Variants in PEX14 observed in about 807,000 individuals in gnomAD.
PEX14 encodes peroxisomal membrane protein PEX14.
PEX14 carries 15 observed loss-of-function variants against 49.5 expected under a neutral mutation model. The observed-to-expected ratio is 0.30, with a 90% CI of 0.20 to 0.47. The LOEUF is 0.47. Ranked by LOEUF, PEX14 falls within the 20% of genes least tolerant of loss-of-function variation. The pLI is 1.00. For synonymous variants in PEX14, 210 were observed against 212.7 expected, an observed-to-expected ratio of 0.99 and a Z score of 0.11; for missense variants, 398 against 494.8, an observed-to-expected ratio of 0.80 and a Z score of 1.86.
chr1:10,592,178 A>AT lies in PEX14; in HGVS notation c.170-7057dup, dbSNP rs1450624527. On this transcript the variant is annotated intron_variant, in intron 3 of 8. Transcript: ENST00000356607. ...CAAACACACGTTTGGCTTACTTGGC[A>AT]TTTAAGTAGCAGAGATTCCTGATTA... 5.3e-5 allele frequency among the ~76,000 whole-genome samples: 8 copies of AT among 152,266 alleles called. No homozygotes were observed. The East Asian group carries it at 1.5e-3, about 29-fold the overall frequency.
chr1:10,528,903 G>A (rs1209276218), intron 2 of PEX14, among the ~76,000 whole-genome samples: 1 of 152,190 alleles, frequency 6.6e-6, no homozygotes, highest in Non-Finnish European at 1.5e-5. Context: ...CACTGCTACC[G>A]TGATCCGTGT....
At chr1:10,498,859 C>T (rs920189851) in intron 2 of PEX14, among the ~76,000 whole-genome samples, 6 of 152,350 alleles carry the variant, frequency 3.9e-5, no homozygotes, top group Admixed American at 3.3e-4. Context: ...GCAAGGAGTT[C>T]GGACAGGCCT....
At position 10,498,588 on chromosome 1, in the gene PEX14, G is replaced by A. The variant is rs529993110; in HGVS notation, c.84+3267G>A. Reference sequence around the variant, plus strand: ...GATTCTAGCAAAGTAGTGAGGCTGCGTGTTTCCTTTTCTTGCCCGTTCAAT... The same window carrying A: ...GATTCTAGCAAAGTAGTGAGGCTGCATGTTTCCTTTTCTTGCCCGTTCAAT... On this transcript the variant is annotated intron_variant, in intron 2 of 8. Transcript: ENST00000356607. 4.6e-5 allele frequency among the ~76,000 whole-genome samples: 7 copies of A among 152,260 alleles called. No homozygotes were observed. In the South Asian group the frequency reaches 1.4e-3, roughly 32 times the overall value.
intron 4 of PEX14, among the ~76,000 whole-genome samples, chr1:10,607,893 C>A (rs1641169010): frequency 1.3e-5 from 2 of 152,122 alleles, no homozygotes; most frequent in African/African-American, 4.8e-5. Context: ...ATATATTTAT[C>A]TTTTTTTCCT....
intron 3 of PEX14, among the ~76,000 whole-genome samples, chr1:10,561,060 T>A (rs966801201): frequency 6.6e-6 from 1 of 151,918 alleles, no homozygotes; most frequent in Admixed American, 6.6e-5. Flanking sequence ...CACACACACA[T>A]ATACACACAC....
In PEX14 at chr1:10,495,374, A is replaced by G; in HGVS notation, c.84+53A>G. 1 of 1,423,574 alleles carries G rather than the reference A, an allele frequency of 7.0e-7. No homozygotes were observed. Among genetic ancestry groups the G allele is most frequent in the South Asian group, 1.2e-5 (1 of 85,672 alleles). 88.2% of individuals were successfully genotyped at this position (1,423,574 alleles called of 1,614,324 possible). A position where few individuals can be genotyped will look rare whatever the true frequency, so the allele number is the denominator to read the frequency against. On this transcript the variant is annotated intron_variant, in intron 2 of 8. Transcript: ENST00000356607. This position sits in a 1 kb window ranked among gnomAD's most constrained non-coding sequence, Gnocchi z 4.2. Reference sequence around the variant, plus strand: ...TTTCTAGTAATTAAAATGCCACGCGAGTGAAAAGAAACCTTCTGTTCCTAT... The same window carrying G: ...TTTCTAGTAATTAAAATGCCACGCGGGTGAAAAGAAACCTTCTGTTCCTAT...
intron 3 of PEX14, among the ~76,000 whole-genome samples, chr1:10,578,056 T>G (rs1640203717): frequency 6.6e-6 from 1 of 151,978 alleles, no homozygotes; most frequent in East Asian, 2.0e-4. Context: ...CATATTGGTT[T>G]GAGGAATCAG....
intron 3 of PEX14, among the ~76,000 whole-genome samples, chr1:10,585,853 G>A (rs936156309): frequency 6.6e-6 from 1 of 152,208 alleles, no homozygotes; most frequent in Non-Finnish European, 1.5e-5. Flanking sequence ...TGGAGATCAC[G>A]CCACTGCACT....
At chr1:10,482,429 C>T (rs1299590981) in intron 1 of PEX14, among the ~76,000 whole-genome samples, 2 of 151,456 alleles carry the variant, frequency 1.3e-5, no homozygotes, top group African/African-American at 2.4e-5. Context: ...TGCGGGTGGC[C>T]CATCTTACTT....
intron 3 of PEX14, among the ~76,000 whole-genome samples, chr1:10,542,888 G>C (rs142019159): frequency 6.6e-6 from 1 of 152,308 alleles, no homozygotes; most frequent in Non-Finnish European, 1.5e-5. Context: ...TTGAACGCGT[G>C]TTGGTTTGGC....
chr1:10,626,734 C>T (rs1379189854), intron 7 of PEX14, among the ~76,000 whole-genome samples: 2 of 152,258 alleles, frequency 1.3e-5, no homozygotes, highest in African/African-American at 2.4e-5. Context: ...GTGCACATGC[C>T]ACAAGCAGGT....
intron 2 of PEX14, among the ~76,000 whole-genome samples, chr1:10,520,153 T>TTTTTTTTTTTTTTTTTTTG (rs754714815): frequency 1.6e-4 from 15 of 91,884 alleles, no homozygotes; most frequent in South Asian, 3.5e-4. Context: ...TTCTTCTTTT[T>TTTTTTTTTTTTTTTTTTTG]TTTTTTTTTG....
In PEX14 at chr1:10,629,713, C is replaced by T. The variant is rs376758920; in HGVS notation, c.860C>T (p.Thr287Met). ...GKEGHSPEGS[T>M]VTYHLLGPQE... ...GAGGGCCACAGCCCCGAGGGCTCCA[C>T]GGTCACCTACCACTTGCTGGGCCCC... The change falls in exon 9 of 9, where the codon ACG becomes ATG. Residue 287 changes from threonine to methionine, a missense_variant. By Grantham distance (81) the Thr-to-Met change is moderately conservative. Coordinates refer to ENST00000356607, the MANE Select transcript of PEX14 (RefSeq NM_004565.3). The surrounding 1 kb of genome is among the most constrained non-coding windows in gnomAD (Gnocchi z 8.5). The T allele has an allele frequency of 1.8e-4, 286 of 1,607,526 alleles. No homozygotes were observed. Among genetic ancestry groups the T allele is most frequent in the Non-Finnish European group, 2.2e-4 (264 of 1,177,078 alleles).
intron 3 of PEX14, among the ~76,000 whole-genome samples, chr1:10,544,509 T>A (rs984753396): frequency 1.3e-5 from 2 of 152,184 alleles, no homozygotes; most frequent in Non-Finnish European, 2.9e-5. Flanking sequence ...TTGCTTTTTT[T>A]GTGTTAAGCA....
intron 3 of PEX14, among the ~76,000 whole-genome samples, chr1:10,544,177 T>G (rs1289751148): frequency 2.0e-5 from 3 of 152,186 alleles, no homozygotes; most frequent in Non-Finnish European, 2.9e-5. Context: ...TATTAGTTGA[T>G]TTTTTCGCTG....
chr1:10,570,950 G>A (rs2124549492), intron 3 of PEX14, among the ~76,000 whole-genome samples: 1 of 148,906 alleles, frequency 6.7e-6, no homozygotes, highest in South Asian at 2.1e-4. Flanking sequence ...CCAGGCTCAG[G>A]TAATCCTCTC....
At chr1:10,622,854 C>T (rs1285565337) in intron 5 of PEX14, among the ~76,000 whole-genome samples, 165 bp from the exon 6 acceptor site, 2 of 152,194 alleles carry the variant, frequency 1.3e-5, no homozygotes, top group East Asian at 1.9e-4. Flanking sequence ...TGGTTGTAAT[C>T]GCAGTCTCAT....
chr1:10,541,752 A>G (rs1322511410), intron 3 of PEX14, among the ~76,000 whole-genome samples: 2 of 152,060 alleles, frequency 1.3e-5, no homozygotes, highest in East Asian at 1.9e-4. Flanking sequence ...CTTGAACTCC[A>G]CAGATTTTTC....
intron 4 of PEX14, among the ~76,000 whole-genome samples, chr1:10,610,898 CCTT>C (rs1280662061): frequency 1.3e-5 from 2 of 152,256 alleles, no homozygotes; most frequent in East Asian, 3.9e-4. Context: ...TCTTTCTCCT[CCTT>C]CTTCCTCTTC....
Sources: allele counts gnomAD v4.1 joint callset (sites outside exome capture counted in the v4.1 genomes callset), GRCh38; gene constraint gnomAD v4.1.1; non-coding constraint Gnocchi (gnomAD v3.1); transcripts MANE v1.5; gene names NCBI Gene and HGNC (gene_info 2026-07-23, HGNC 2026-07-21).